ANKRD36: variants seen among roughly 807,000 people sequenced by gnomAD.
The protein encoded by ANKRD36 is ankyrin repeat domain-containing protein 36A.
Under a neutral mutation model 278.1 loss-of-function variants are expected in ANKRD36, and 179 were observed. The ratio of observed to expected loss-of-function variants is 0.64; its 90% confidence interval spans 0.57 to 0.73. The LOEUF (loss-of-function observed/expected upper bound fraction) is 0.73, where lower values mean the gene tolerates loss of function less well. ANKRD36 is among the 30% of genes least tolerant of loss of function. ANKRD36 has a pLI of 0.00. For synonymous variants in ANKRD36, 320 were observed against 641.1 expected (o/e 0.50, Z 7.57); for missense variants, 1,159 against 1,956.7 (o/e 0.59, Z 7.69).
Position 97,118,473 on chromosome 2 carries a change from G to GA in ANKRD36, c.447dup (p.Leu150ThrfsTer9), listed in dbSNP as rs2036110880. ...GTATAATGAAGATACATCCATGATAGAAAAACTTCTTTCACATGGTACAAA... is the reference window on the plus strand; with the variant it reads ...GTATAATGAAGATACATCCATGATAGAAAAAACTTCTTTCACATGGTACAAA... On this transcript the variant is annotated frameshift_variant, in exon 3 of 76. Coordinates refer to ENST00000420699, the MANE Select transcript of ANKRD36 (RefSeq NM_001354587.1). LOFTEE classifies it high-confidence loss of function. 6.2e-7 allele frequency: 1 copy of GA among 1,602,352 alleles called. No homozygotes were observed. Among genetic ancestry groups the GA allele is most frequent in the Non-Finnish European group, 8.5e-7 (1 of 1,176,188 alleles).
chr2:97,219,892 C>G (rs2066936443), intron 66 of ANKRD36, among the ~76,000 whole-genome samples: 1 of 145,408 alleles, frequency 6.9e-6, no homozygotes, highest in South Asian at 2.4e-4. Context: ...AATTTTGATA[C>G]TGTAAAATAT....
In ANKRD36 at chr2:97,142,919, T is replaced by C. The variant is rs1032541573; in HGVS notation, c.901+84T>C. ...CACTGAATAAATCGCAGGGAGCTCA[T>C]TGAATCTGCACATTCTGATTCAGCA... On this transcript the variant is annotated intron_variant, in intron 8 of 75. Transcript: ENST00000420699. 5.1e-5 allele frequency: 73 copies of C among 1,429,798 alleles called. 1 individual carries two copies. Among genetic ancestry groups the C allele is most frequent in the Admixed American group, 5.1e-5 (2 of 38,914 alleles). 88.6% of individuals were successfully genotyped at this position (1,429,798 alleles called of 1,614,324 possible). A position where few individuals can be genotyped will look rare whatever the true frequency, so the allele number is the denominator to read the frequency against.
intron 3 of ANKRD36, among the ~76,000 whole-genome samples, chr2:97,119,074 GA>G (rs1460785234): frequency 3.9e-5 from 1 of 25,740 alleles, no homozygotes; most frequent in Admixed American, 4.2e-4. Context: ...GGTAATGAGG[GA>G]AAATACTGTG....
Position 97,202,807 on chromosome 2 carries a change from A to G in ANKRD36, c.2959+414A>G, listed in dbSNP as rs190916690. ...AACCCGTACACACTGTAGGAGAAGT[A>G]AGGAGACCCTTGTTGTAGCAATCAT... On this transcript the variant is annotated intron_variant, in intron 48 of 75. Transcript: ENST00000420699. Among the ~76,000 whole-genome samples, 59 of 151,960 alleles carry G rather than the reference A, an allele frequency of 3.9e-4. 1 individual carries two copies. In the East Asian group the frequency reaches 8.2e-3, roughly 21 times the overall value.
At chr2:97,157,839 T>A (rs1559385418) in intron 15 of ANKRD36, among the ~76,000 whole-genome samples, 1 of 151,878 alleles carries the variant, frequency 6.6e-6, no homozygotes, top group Non-Finnish European at 1.5e-5. Flanking sequence ...TTGTTGTGGT[T>A]AATAAAAGAA....
chr2:97,184,600 A>AT (rs2056990193), intron 28 of ANKRD36, among the ~76,000 whole-genome samples: 2 of 151,734 alleles, frequency 1.3e-5, no homozygotes. Context: ...GAGCCATTGC[A>AT]TTTTGTATAA....
chr2:97,116,978 G>A (rs1037347107), intron 1 of ANKRD36, among the ~76,000 whole-genome samples: 1 of 151,234 alleles, frequency 6.6e-6, no homozygotes, highest in East Asian at 1.9e-4. Flanking sequence ...ATGTTTACCT[G>A]CCCAGCCTGA....
At chr2:97,230,631 T>C (rs1369781730) in intron 67 of ANKRD36, among the ~76,000 whole-genome samples, 2 of 152,116 alleles carry the variant, frequency 1.3e-5, no homozygotes, top group African/African-American at 4.8e-5. Flanking sequence ...AGCCTTCTTC[T>C]CTCAACTCGT....
intron 67 of ANKRD36, among the ~76,000 whole-genome samples, chr2:97,226,951 T>C (rs1346832108): frequency 6.6e-6 from 1 of 152,050 alleles, no homozygotes; most frequent in Non-Finnish European, 1.5e-5. Flanking sequence ...TGCGGCGTTA[T>C]TTCTGATGGC....
chr2:97,159,383 T>C (rs2048289033), intron 17 of ANKRD36, among the ~76,000 whole-genome samples: 1 of 152,106 alleles, frequency 6.6e-6, no homozygotes, highest in Admixed American at 6.6e-5. Context: ...ATTATATAGA[T>C]GGATCAAATC....
intron 22 of ANKRD36, among the ~76,000 whole-genome samples, chr2:97,178,488 C>G (rs958862104): frequency 6.6e-6 from 1 of 151,698 alleles, no homozygotes; most frequent in Non-Finnish European, 1.5e-5. Flanking sequence ...CCATGGAATA[C>G]TATGCAGCCA....
intron 44 of ANKRD36, 79 bp from the exon 45 acceptor site, chr2:97,200,255 G>A: frequency 6.2e-7 from 1 of 1,601,854 alleles, no homozygotes. Context: ...GACAGAGGTT[G>A]ATGCTAACAC....
chr2:97,204,661 A>T (rs1443602327), intron 50 of ANKRD36, among the ~76,000 whole-genome samples: 1 of 151,602 alleles, frequency 6.6e-6, no homozygotes, highest in Non-Finnish European at 1.5e-5. Context: ...CAACCCGTAG[A>T]CACTGTAGGA....
At position 97,113,466 on chromosome 2, in the gene ANKRD36, G is replaced by A; in HGVS notation, c.-274G>A. 2.0e-6 allele frequency: 1 copy of A among 491,498 alleles called. No individual in the cohort carries two copies. Among genetic ancestry groups the A allele is most frequent in the East Asian group, 4.3e-5 (1 of 23,180 alleles). 30.4% of individuals were successfully genotyped at this position (491,498 alleles called of 1,614,324 possible). On this transcript the variant is annotated 5_prime_UTR_variant, in exon 1 of 76. Coordinates refer to ENST00000420699, the MANE Select transcript of ANKRD36 (RefSeq NM_001354587.1). ...GCTCCAGGGAGCCCCGCCCTCCCGC[G>A]GCACCTCCGCAGCAACCGCCGCCTG...
chr2:97,261,274 G>A (rs1240208021), intron 75 of ANKRD36, among the ~76,000 whole-genome samples: 1 of 128,732 alleles, frequency 7.8e-6, no homozygotes, highest in African/African-American at 3.3e-5. Context: ...GCATCATGGG[G>A]GCTAATGTGG....
intron 40 of ANKRD36, 76 bp from the exon 41 acceptor site, chr2:97,196,517 G>T (rs1321121225): frequency 5.7e-6 from 9 of 1,590,408 alleles, no homozygotes; most frequent in Admixed American, 1.7e-5. Flanking sequence ...AGAGGTTGAT[G>T]CTAACTCTGC....
intron 22 of ANKRD36, among the ~76,000 whole-genome samples, chr2:97,171,637 C>T (rs2052557013): frequency 7.2e-6 from 1 of 139,092 alleles, no homozygotes; most frequent in African/African-American, 2.7e-5. Context: ...ACCAGCATGG[C>T]ACATGTATAC....
chr2:97,208,495 T>A (rs1465542551), intron 54 of ANKRD36, among the ~76,000 whole-genome samples: 2 of 146,322 alleles, frequency 1.4e-5, no homozygotes, highest in Non-Finnish European at 3.0e-5. Context: ...AAAGAGGAAG[T>A]CATTTATATA....
At chr2:97,170,472 T>C (rs1426762242) in intron 22 of ANKRD36, among the ~76,000 whole-genome samples, 5 of 151,958 alleles carry the variant, frequency 3.3e-5, no homozygotes, top group African/African-American at 1.2e-4. Flanking sequence ...CCCTATTTAA[T>C]AAATGGTGCT....
Sources: gnomAD v4.1 joint callset for allele counts (sites outside exome capture counted in the v4.1 genomes callset) on GRCh38, gnomAD v4.1.1 for gene constraint, MANE v1.5 for transcripts, NCBI Gene and HGNC (gene_info 2026-07-23, HGNC 2026-07-21) for gene names.